CFAP43: variants seen among roughly 807,000 people sequenced by gnomAD.
CFAP43 encodes cilia and flagella associated protein 43, also known as cilia- and flagella-associated protein 43.
CFAP43 carries 155 observed loss-of-function variants against 218.9 expected under a neutral mutation model. The observed-to-expected ratio is 0.71, with a 90% confidence interval of 0.62 to 0.81. The LOEUF (loss-of-function observed/expected upper bound fraction) is 0.81. CFAP43 is among the 30% of genes least tolerant of loss of function. The pLI is 0.00. For synonymous variants in CFAP43, 645 were observed against 681.3 expected, an observed-to-expected ratio of 0.95 and a Z score of 0.83; for missense variants, 1,778 against 1,954.3, an observed-to-expected ratio of 0.91 and a Z score of 1.70.
In CFAP43 at chr10:104,220,084, A is replaced by C. The variant is rs192115243; in HGVS notation, c.416+5377T>G. On this transcript the variant is annotated intron_variant, in intron 3 of 37. Coordinates refer to ENST00000357060, the MANE Select transcript of CFAP43 (RefSeq NM_025145.7). ...CCAATAAGTCTGGTGTTCTTATATAAAGGGAACATTTGGAGACAGACACAC... is the reference window on the plus strand; with the variant it reads ...CCAATAAGTCTGGTGTTCTTATATACAGGGAACATTTGGAGACAGACACAC... Among the ~76,000 whole-genome samples, 44 of 152,280 alleles carry C rather than the reference A, an allele frequency of 2.9e-4. No individual in the cohort carries two copies. In the East Asian group the frequency reaches 8.3e-3, roughly 29 times the overall value.
chr10:104,187,651 C>T (rs2090075562), intron 13 of CFAP43, among the ~76,000 whole-genome samples, 159 bp from the exon 14 acceptor site: 2 of 152,164 alleles, frequency 1.3e-5, no homozygotes. Flanking sequence ...ACACTTGTCT[C>T]CCTAGAAATA....
At position 104,154,548 on chromosome 10, in the gene CFAP43, G is replaced by T. The variant is rs74900285; in HGVS notation, c.3541-1822C>A. Among the ~76,000 whole-genome samples, 1,293 of 152,224 alleles carry T rather than the reference G, an allele frequency of 8.5e-3. 25 individuals carry two copies. The highest frequency in any genetic ancestry group is 0.029 in the African/African-American group (1,192 of 41,518). On this transcript the variant is annotated intron_variant, in intron 27 of 37. Transcript: ENST00000357060. ...AAGTCCCACAGATTGTGTCCTTCTG[G>T]TGGCCCTTTATCAAGTTCACCTGTT...
At chr10:104,231,985 G>C (rs1377700733) in intron 1 of CFAP43, among the ~76,000 whole-genome samples, 197 bp downstream of exon 1, 1 of 152,020 alleles carries the variant, frequency 6.6e-6, no homozygotes, top group East Asian at 1.9e-4. Flanking sequence ...ACGGGGTCAA[G>C]GAACAAGGGG....
chr10:104,214,220 A>G, intron 4 of CFAP43, 39 bp downstream of exon 4: 1 of 1,518,342 alleles, frequency 6.6e-7, no homozygotes, highest in Non-Finnish European at 8.8e-7. Context: ...ATGCAAACAA[A>G]GACCACCATG....
chr10:104,180,115 G>C (rs1020167009), intron 17 of CFAP43, among the ~76,000 whole-genome samples, 183 bp from the exon 18 acceptor site: 1 of 152,122 alleles, frequency 6.6e-6, no homozygotes, highest in Non-Finnish European at 1.5e-5. Context: ...CCACCAGTCT[G>C]CCCTTATAGT....
rs762082183 is a variant in CFAP43 at position 104,182,511 on chromosome 10, C to A, written c.2144G>T (p.Arg715Leu). 1.9e-6 allele frequency: 3 copies of A among 1,569,590 alleles called. No individual in the cohort carries two copies. Among genetic ancestry groups the A allele is most frequent in the Non-Finnish European group, 2.6e-6 (3 of 1,166,290 alleles). Residue 715 changes from arginine (R) to leucine (L), a missense_variant and splice_region_variant, in exon 17 of 38, where the codon CGA (arginine) becomes CTA (leucine). Coordinates refer to ENST00000357060, the MANE Select transcript of CFAP43 (RefSeq NM_025145.7). ...DGTLVYLKWK[R>L]FGGHLASEIL... is the part of the protein sequence containing the mutation. The stretch of plus-strand genomic sequence containing the variant: ...TTCACTGGCTAGGTGTCCTCCAAAT[C>A]GCCTATATTAATAAAAAAGAAAACA...
At position 104,130,110 on chromosome 10, in the gene CFAP43, T is replaced by C; in HGVS notation, c.*29A>G. On this transcript the variant is annotated 3_prime_UTR_variant, in exon 38 of 38. Transcript: ENST00000357060. ...ATGAAATGATTTTTTAAATGATTGA[T>C]TTGGCCTTGTGTTTTCCTGCCAGCG... 6.4e-7 allele frequency: 1 copy of C among 1,552,804 alleles called. No individual in the cohort carries two copies. The highest frequency in any genetic ancestry group is 1.8e-4 in the Middle Eastern group (1 of 5,626).
chr10:104,171,720 C>A (rs141814007), intron 20 of CFAP43, among the ~76,000 whole-genome samples: 2 of 152,288 alleles, frequency 1.3e-5, no homozygotes, highest in East Asian at 3.9e-4. Context: ...TATGAGCAAA[C>A]AATTTGATGT....
Position 104,166,575 on chromosome 10 carries a change from A to T in CFAP43, c.2952T>A (p.Thr984=), listed in dbSNP as rs979107337. The change falls in exon 23 of 38, where the codon ACT becomes ACA. Residue 984 remains threonine, a synonymous_variant. Transcript: ENST00000357060. ...ATAAAGAGGTATCTACCCCAAAATC[A>T]GTACTCAGACTACCAAGCAGGTAAT... The part of the protein sequence containing the change: ...LPNYLLGSLS[T]DFGVDTSLLS... 3 of 1,614,072 alleles carry T rather than the reference A, an allele frequency of 1.9e-6. No individual in the cohort carries two copies. The highest frequency in any genetic ancestry group is 1.7e-6 in the Non-Finnish European group (2 of 1,180,044).
At chr10:104,207,280 G>A (rs757434717) in intron 6 of CFAP43, among the ~76,000 whole-genome samples, 4 of 152,094 alleles carry the variant, frequency 2.6e-5, no homozygotes, top group Non-Finnish European at 5.9e-5. Flanking sequence ...GTTGGGGTGG[G>A]GGCAGGAAAG....
At chr10:104,190,527 T>C (rs1372840848) in intron 12 of CFAP43, among the ~76,000 whole-genome samples, 3 of 152,192 alleles carry the variant, frequency 2.0e-5, no homozygotes, top group South Asian at 2.1e-4. Context: ...CAGAATTCTA[T>C]CATTAAGCCT....
chr10:104,152,670 G>C lies in CFAP43; in HGVS notation c.3597C>G (p.Ala1199=), dbSNP rs1189201738. 1 of 1,613,744 alleles carries C rather than the reference G, an allele frequency of 6.2e-7. No homozygotes were observed. The highest frequency in any genetic ancestry group is 1.3e-5 in the African/African-American group (1 of 74,974). ...AAAGTCTTTTCAAATGTTCATCAAA[G>C]GCCTGTGTGCTTTCTTGAATAGAGT... ...LQNSIQESTQ[A]FDEHLKRLFE... The change falls in exon 28 of 38, where the codon GCC becomes GCG. Residue 1199 remains alanine, a synonymous_variant. Coordinates refer to ENST00000357060, the MANE Select transcript of CFAP43 (RefSeq NM_025145.7).
Position 104,212,040 on chromosome 10 carries a change from G to A in CFAP43, c.702C>T (p.Ala234=), listed in dbSNP as rs746327375. ...YGPVLPLSAI[A]GLVGKEAETF... ...TCTCTGCCTCTTTGCCTACCAGCCC[G>A]GCAATGGCTGACAGTGGCAGCACGG... is the stretch of plus-strand genomic sequence containing the variant. Residue 234 remains alanine (A), a synonymous_variant, in exon 5 of 38, where the codon GCC becomes GCT. Transcript: ENST00000357060. 2.6e-5 allele frequency: 42 copies of A among 1,613,354 alleles called. No individual in the cohort carries two copies. Among genetic ancestry groups the A allele is most frequent in the Non-Finnish European group, 3.0e-5 (35 of 1,179,668 alleles).
rs2089986166 is a variant in CFAP43 at position 104,185,027 on chromosome 10, G to GTAGACAAGGGTGCCAT, written c.2114_2129dup (p.Tyr710Ter). On this transcript the variant is annotated stop_gained and frameshift_variant, in exon 16 of 38. Transcript: ENST00000357060. LOFTEE classifies it high-confidence loss of function. ...AATACTGTACGTACTTCCACTTTAGGTAGACAAGGGTGCCATCATCTCTCC... is the reference window on the plus strand; with the variant it reads ...AATACTGTACGTACTTCCACTTTAGGTAGACAAGGGTGCCATTAGACAAGGGTGCCATCATCTCTCC... 1 of 1,613,830 alleles carries GTAGACAAGGGTGCCAT rather than the reference G, an allele frequency of 6.2e-7. No homozygotes were observed. Among genetic ancestry groups the GTAGACAAGGGTGCCAT allele is most frequent in the Non-Finnish European group, 8.5e-7 (1 of 1,179,972 alleles).
chr10:104,207,020 A>C (rs2090713113), intron 6 of CFAP43, among the ~76,000 whole-genome samples: 1 of 152,096 alleles, frequency 6.6e-6, no homozygotes, highest in African/African-American at 2.4e-5. Flanking sequence ...CTAAAAATAC[A>C]AAAATTAGCC....
intron 12 of CFAP43, among the ~76,000 whole-genome samples, chr10:104,190,386 G>A (rs1350419305): frequency 6.6e-6 from 1 of 152,130 alleles, no homozygotes; most frequent in African/African-American, 2.4e-5. Flanking sequence ...TCCACTCTGA[G>A]GTCAGCCACA....
chr10:104,154,380 C>A (rs2088431162), intron 27 of CFAP43, among the ~76,000 whole-genome samples: 1 of 152,124 alleles, frequency 6.6e-6, no homozygotes, highest in South Asian at 2.1e-4. Flanking sequence ...ATAATAGAGG[C>A]ATATGATGCC....
At chr10:104,226,591 C>G (rs756082822) in intron 2 of CFAP43, among the ~76,000 whole-genome samples, 2 of 151,996 alleles carry the variant, frequency 1.3e-5, no homozygotes, top group African/African-American at 2.4e-5. Flanking sequence ...AAAATATACC[C>G]TCTATAATCC....
chr10:104,133,593 CTA>C, intron 35 of CFAP43, 25 bp downstream of exon 35: 1 of 1,584,884 alleles, frequency 6.3e-7, no homozygotes, highest in Middle Eastern at 1.7e-4. Flanking sequence ...AAAATTAAAA[CTA>C]TGTAGGGGGG....
Sources: gnomAD v4.1 joint callset for allele counts (sites outside exome capture counted in the v4.1 genomes callset) on GRCh38, gnomAD v4.1.1 for gene constraint, MANE v1.5 for transcripts, NCBI Gene and HGNC (gene_info 2026-07-23, HGNC 2026-07-21) for gene names.